The following MAGI3 variants were observed in gnomAD, a reference collection of about 807,000 sequenced individuals.
MAGI3 encodes membrane-associated guanylate kinase, WW and PDZ domain-containing protein 3.
Under a neutral mutation model 121.8 loss-of-function variants are expected in MAGI3, and 43 were observed. The observed-to-expected ratio is 0.35, with a 90% CI of 0.28 to 0.46. The LOEUF (loss-of-function observed/expected upper bound fraction) is 0.46, where lower values mean the gene tolerates loss of function less well. Ranked by LOEUF, MAGI3 falls within the 20% of genes least tolerant of loss-of-function variation. The probability of loss-of-function intolerance (pLI) is 1.00; values close to 1 mark genes in which losing one functional copy is unlikely to be tolerated. For synonymous variants in MAGI3, 553 were observed against 639.3 expected (o/e 0.86, Z 2.04); for missense variants, 1,547 against 1,797.3 (o/e 0.86, Z 2.52).
intron 15 of MAGI3, among the ~76,000 whole-genome samples, chr1:113,657,979 T>C (rs1313779294): frequency 6.6e-6 from 1 of 152,194 alleles, no homozygotes; most frequent in East Asian, 1.9e-4. Flanking sequence ...AAATGTCCCT[T>C]ACATACTCCT....
chr1:113,648,706 C>T (rs929470393), intron 12 of MAGI3, among the ~76,000 whole-genome samples: 1 of 152,070 alleles, frequency 6.6e-6, no homozygotes, highest in Non-Finnish European at 1.5e-5. Context: ...TAAATGTTAG[C>T]TCTTAATTAT....
chr1:113,601,331 T>G (rs544065210), intron 6 of MAGI3, among the ~76,000 whole-genome samples: 5 of 152,092 alleles, frequency 3.3e-5, no homozygotes, highest in South Asian at 2.1e-4. Flanking sequence ...ATCTGACAAA[T>G]GGCTAATATC....
chr1:113,416,065 T>TA (rs1652303901), intron 1 of MAGI3, among the ~76,000 whole-genome samples: 1 of 148,542 alleles, frequency 6.7e-6, no homozygotes, highest in East Asian at 1.9e-4. Flanking sequence ...CACATATTAA[T>TA]TATGTAATTA....
intron 1 of MAGI3, among the ~76,000 whole-genome samples, chr1:113,404,818 C>T (rs1651587937): frequency 6.6e-6 from 1 of 152,108 alleles, no homozygotes; most frequent in Admixed American, 6.5e-5. Context: ...GGCCACAAAA[C>T]TCTTCACCCC....
chr1:113,614,664 T>G lies in MAGI3; in HGVS notation c.1076+6T>G, dbSNP rs2101775397. On this transcript the variant is annotated splice_donor_region_variant and intron_variant, in intron 7 of 20. Transcript: ENST00000307546. The stretch of plus-strand genomic sequence containing the variant: ...TATGGGACATACTATGTTGAGTAAG[T>G]TTGTTACCTCAGTTAATATTCTCCC... 6.3e-7 allele frequency: 1 copy of G among 1,592,388 alleles called. No individual in the cohort carries two copies. Among genetic ancestry groups the G allele is most frequent in the South Asian group, 1.1e-5 (1 of 88,598 alleles).
intron 9 of MAGI3, among the ~76,000 whole-genome samples, chr1:113,630,100 C>A (rs999540079): frequency 3.9e-5 from 6 of 152,206 alleles, no homozygotes; most frequent in East Asian, 1.9e-4. Flanking sequence ...GGATTGAAGT[C>A]AAAAACCTTA....
In MAGI3 at chr1:113,392,332, G is replaced by C. The variant is rs190598257; in HGVS notation, c.316+983G>C. Among the ~76,000 whole-genome samples the C allele has an allele frequency of 2.1e-3, 314 of 152,290 alleles. 4 individuals are homozygous for C. Among genetic ancestry groups the C allele is most frequent in the African/African-American group, 7.3e-3 (305 of 41,564 alleles). On this transcript the variant is annotated intron_variant, in intron 1 of 20. Coordinates refer to ENST00000307546, the MANE Select transcript of MAGI3 (RefSeq NM_001142782.2). ...AGAAACCAAACTGTTTTTCCTTAAT[G>C]TGCTCTGCTGAGTATACGGTGCATC...
At chr1:113,664,504 C>T (rs1653936906) in intron 16 of MAGI3, among the ~76,000 whole-genome samples, 2 of 152,160 alleles carry the variant, frequency 1.3e-5, no homozygotes, top group South Asian at 4.1e-4. Flanking sequence ...AGGATCACTT[C>T]AGCCCAGAAG....
intron 1 of MAGI3, among the ~76,000 whole-genome samples, chr1:113,428,205 A>G (rs1450521879): frequency 6.6e-6 from 1 of 152,224 alleles, no homozygotes; most frequent in Non-Finnish European, 1.5e-5. Flanking sequence ...GCTTAGAAAT[A>G]TCTGGCAAGC....
At chr1:113,426,967 T>C (rs1032502308) in intron 1 of MAGI3, among the ~76,000 whole-genome samples, 2 of 152,048 alleles carry the variant, frequency 1.3e-5, no homozygotes, top group Non-Finnish European at 1.5e-5. Context: ...TATATATATA[T>C]ATGATCATAT....
rs1344838954 is a variant in MAGI3, at chr1:113,390,922, G to GC, written c.-106dup. The stretch of plus-strand genomic sequence containing the variant: ...GCGGGGTGGGGGCCGGAGCGGCGAG[G>GC]CCCCCCTTACCGGGCTGCGCGGGCC... On this transcript the variant is annotated 5_prime_UTR_variant, in exon 1 of 21. Coordinates refer to ENST00000307546, the MANE Select transcript of MAGI3 (RefSeq NM_001142782.2). The GC allele has an allele frequency of 6.4e-6, 5 of 780,516 alleles. No homozygotes were observed. The highest frequency in any genetic ancestry group is 3.7e-5 in the East Asian group (1 of 27,062). 48.3% of individuals were successfully genotyped at this position (780,516 alleles called of 1,614,324 possible). A position where few individuals can be genotyped will look rare whatever the true frequency, so the allele number is the denominator to read the frequency against.
chr1:113,412,074 C>T (rs554599571), intron 1 of MAGI3, among the ~76,000 whole-genome samples: 1 of 140,406 alleles, frequency 7.1e-6, no homozygotes. Context: ...GCCCTGTATC[C>T]AAGTGATCTC....
chr1:113,433,304 G>T (rs1303188606), intron 1 of MAGI3, among the ~76,000 whole-genome samples: 1 of 152,156 alleles, frequency 6.6e-6, no homozygotes, highest in South Asian at 2.1e-4. Context: ...ACTATGATCA[G>T]ATCTCCTGCT....
chr1:113,406,307 G>T (rs964587950), intron 1 of MAGI3, among the ~76,000 whole-genome samples: 40 of 150,820 alleles, frequency 2.7e-4, no homozygotes, highest in Non-Finnish European at 5.2e-4. Context: ...AATTAGCCGG[G>T]TGTGGTGGCA....
At chr1:113,666,792 C>A (rs12129076) in intron 16 of MAGI3, among the ~76,000 whole-genome samples, 34,534 of 152,118 alleles carry the variant, frequency 0.23, 4,218 homozygotes, top group Non-Finnish European at 0.28. Flanking sequence ...AAATATATTT[C>A]TTAAAATACT....
intron 1 of MAGI3, among the ~76,000 whole-genome samples, chr1:113,402,411 A>G (rs1651456455): frequency 6.6e-6 from 1 of 152,200 alleles, no homozygotes; most frequent in South Asian, 2.1e-4. Flanking sequence ...TAGCTGGTAT[A>G]ATAGCTGAAT....
At chr1:113,655,868 A>G (rs1653438716) in intron 15 of MAGI3, among the ~76,000 whole-genome samples, 1 of 152,194 alleles carries the variant, frequency 6.6e-6, no homozygotes, top group South Asian at 2.1e-4. Flanking sequence ...AGTAAATGTT[A>G]GCTGCTGTTG....
chr1:113,424,276 G>A (rs1028429581), intron 1 of MAGI3, among the ~76,000 whole-genome samples: 1 of 142,754 alleles, frequency 7.0e-6, no homozygotes, highest in Admixed American at 7.8e-5. Context: ...GACATCATAT[G>A]TATATTTAGT....
intron 8 of MAGI3, among the ~76,000 whole-genome samples, chr1:113,620,452 A>C (rs568174513): frequency 6.6e-6 from 1 of 152,144 alleles, no homozygotes; most frequent in Non-Finnish European, 1.5e-5. Flanking sequence ...ATTAATAACC[A>C]GGGGTATATA....
Sources: allele counts gnomAD v4.1 joint callset (sites outside exome capture counted in the v4.1 genomes callset), GRCh38; gene constraint gnomAD v4.1.1; transcripts MANE v1.5; gene names NCBI Gene and HGNC (gene_info 2026-07-23, HGNC 2026-07-21).